The following MYH9 variants were observed in gnomAD, a reference collection of about 807,000 sequenced individuals.
The protein encoded by MYH9 is myosin heavy chain 9, also known as myosin-9.
MYH9 carries 29 observed loss-of-function variants against 241.9 expected under a neutral mutation model. That is an observed-to-expected ratio of 0.12 (90% CI 0.09 to 0.16). The LOEUF (loss-of-function observed/expected upper bound fraction) is 0.16. Ranked by LOEUF, MYH9 falls within the 10% of genes least tolerant of loss-of-function variation. The pLI is 1.00. For synonymous variants in MYH9, 1,047 were observed against 1,062.6 expected (o/e 0.99, Z 0.29); for missense variants, 1,803 against 2,595.5 (o/e 0.69, Z 6.63).
Position 36,293,236 on chromosome 22 carries a change from C to A in MYH9, c.4095+93G>T, listed in dbSNP as rs2146336457. 1.3e-6 allele frequency: 2 copies of A among 1,548,172 alleles called. No individual in the cohort carries two copies. The highest frequency in any genetic ancestry group is 4.5e-5 in the East Asian group (2 of 43,992). Reference sequence around the variant, plus strand: ...GGGGGAGAGCAGCAATGGGCCGGCCCAGCGGGCAGGGCTGTCCTGCAGTGC... The same window carrying A: ...GGGGGAGAGCAGCAATGGGCCGGCCAAGCGGGCAGGGCTGTCCTGCAGTGC... On this transcript the variant is annotated intron_variant, in intron 30 of 40. Coordinates refer to ENST00000216181, the MANE Select transcript of MYH9 (RefSeq NM_002473.6). The surrounding 1 kb of genome is among the most constrained non-coding windows in gnomAD (Gnocchi z 5.1).
chr22:36,373,640 G>A (rs1883273), intron 1 of MYH9, among the ~76,000 whole-genome samples: 88,451 of 152,044 alleles, frequency 0.58, 26,872 homozygotes, highest in Non-Finnish European at 0.68. Context: ...CTAGGTCTAC[G>A]CTGCGAGCCC....
In MYH9 at chr22:36,283,123, G is replaced by A. The variant is rs571854812; in HGVS notation, c.5766-338C>T. Among the ~76,000 whole-genome samples, 41 of 152,254 alleles carry A rather than the reference G, an allele frequency of 2.7e-4. 1 individual carries two copies. In the South Asian group the frequency reaches 6.4e-3, roughly 24 times the overall value. ...CCTCTGTTGCAACTCCTATAAAACC[G>A]GTGAAACCAAGACAGGTAAACAGGT... On this transcript the variant is annotated intron_variant, in intron 40 of 40. Coordinates refer to ENST00000216181, the MANE Select transcript of MYH9 (RefSeq NM_002473.6).
intron 3 of MYH9, among the ~76,000 whole-genome samples, chr22:36,337,239 A>G (rs953228664): frequency 6.6e-6 from 1 of 152,202 alleles, no homozygotes; most frequent in Non-Finnish European, 1.5e-5. Flanking sequence ...GCTGGCACCA[A>G]GTGAATAGAG....
chr22:36,382,218 T>G (rs1218361791), intron 1 of MYH9, among the ~76,000 whole-genome samples: 1 of 151,974 alleles, frequency 6.6e-6, no homozygotes, highest in Non-Finnish European at 1.5e-5. Context: ...CTCACGCCTG[T>G]AATCCCAGCA....
At chr22:36,382,038 G>A (rs2018264746) in intron 1 of MYH9, among the ~76,000 whole-genome samples, 1 of 152,116 alleles carries the variant, frequency 6.6e-6, no homozygotes, top group Non-Finnish European at 1.5e-5. Context: ...GTGTTGCCCA[G>A]GCTGATCTCG....
intron 1 of MYH9, among the ~76,000 whole-genome samples, chr22:36,374,109 G>A (rs972329347): frequency 6.6e-6 from 1 of 151,564 alleles, no homozygotes; most frequent in African/African-American, 2.4e-5. Flanking sequence ...CTGGCTGGGC[G>A]CGGTGGCTCA....
At chr22:36,335,757 C>T (rs987213882) in intron 3 of MYH9, among the ~76,000 whole-genome samples, 9 of 152,192 alleles carry the variant, frequency 5.9e-5, no homozygotes, top group East Asian at 1.9e-4. Context: ...CAATGCCCCA[C>T]GGGCCTGTGC....
intron 2 of MYH9, among the ~76,000 whole-genome samples, chr22:36,346,547 C>T (rs1288783805): frequency 3.9e-5 from 6 of 152,162 alleles, no homozygotes; most frequent in Admixed American, 2.6e-4. Flanking sequence ...TGAGCAAAAT[C>T]CCTCAGTCTG....
Position 36,306,882 on chromosome 22 carries a change from C to G in MYH9, c.1844-275G>C, listed in dbSNP as rs1228595412. 6.6e-6 allele frequency among the ~76,000 whole-genome samples: 1 copy of G among 152,214 alleles called. No homozygotes were observed. The highest frequency in any genetic ancestry group is 1.5e-5 in the Non-Finnish European group (1 of 68,044). The stretch of plus-strand genomic sequence containing the variant: ...CCTTCCTGTCACCTATCTTCAGCCA[C>G]TCTCGAAGCTCTTATTTCCAAAAAG... On this transcript the variant is annotated intron_variant, in intron 15 of 40. Transcript: ENST00000216181. The surrounding 1 kb of genome is among the most constrained non-coding windows in gnomAD (Gnocchi z 4.1).
At chr22:36,332,661 TAAAAAAAAA>T (rs67602880) in intron 3 of MYH9, among the ~76,000 whole-genome samples, 1 of 44,476 alleles carries the variant, frequency 2.2e-5, no homozygotes, top group Non-Finnish European at 3.6e-5. Context: ...TCTGGATAAT[TAAAAAAAAA>T]AAAAAAAAAA....
chr22:36,296,166 G>A (rs2016784625), intron 25 of MYH9, among the ~76,000 whole-genome samples: 1 of 152,116 alleles, frequency 6.6e-6, no homozygotes, highest in African/African-American at 2.4e-5. Flanking sequence ...GTGCGTGAGT[G>A]GGGCAGTGGA....
Position 36,320,653 on chromosome 22 carries a change from C to T in MYH9, c.868+145G>A, listed in dbSNP as rs2017235166. ...ACAGAAGACCAAGTCCTTAGGATGGCGCAGAGAACAGGAGTCACTCTCACT... is the reference window on the plus strand; with the variant it reads ...ACAGAAGACCAAGTCCTTAGGATGGTGCAGAGAACAGGAGTCACTCTCACT... On this transcript the variant is annotated intron_variant, in intron 8 of 40. Coordinates refer to ENST00000216181, the MANE Select transcript of MYH9 (RefSeq NM_002473.6). This position sits in a 1 kb window ranked among gnomAD's most constrained non-coding sequence, Gnocchi z 4.8. The T allele has an allele frequency of 1.5e-5, 11 of 756,692 alleles. No homozygotes were observed. The highest frequency in any genetic ancestry group is 1.1e-4 in the South Asian group (7 of 64,802). 46.9% of individuals were successfully genotyped at this position (756,692 alleles called of 1,614,324 possible).
At position 36,319,657 on chromosome 22, in the gene MYH9, G is replaced by A. The variant is rs553377036; in HGVS notation, c.1013-22C>T. On this transcript the variant is annotated intron_variant, in intron 9 of 40. Coordinates refer to ENST00000216181, the MANE Select transcript of MYH9 (RefSeq NM_002473.6). The stretch of plus-strand genomic sequence containing the variant: ...AGGCCTTTGGGTGCAATCAGAGGCA[G>A]CTCAGAAGCAGACATGGGTCATGGT... The A allele has an allele frequency of 9.8e-5, 158 of 1,610,956 alleles. No homozygotes were observed. In the South Asian group the frequency reaches 1.7e-3, roughly 17 times the overall value.
At chr22:36,346,290 G>GA (rs1423271009) in intron 2 of MYH9, among the ~76,000 whole-genome samples, 1 of 152,230 alleles carries the variant, frequency 6.6e-6, no homozygotes, top group Admixed American at 6.5e-5. Context: ...CGTTGTCACA[G>GA]ACTGATTTAG....
intron 10 of MYH9, 81 bp downstream of exon 10, chr22:36,319,457 ATT>A (rs2017214066): frequency 3.0e-6 from 4 of 1,321,338 alleles, no homozygotes; most frequent in Non-Finnish European, 4.3e-6. Context: ...AGTGTCCGGA[ATT>A]TCCGCAAGAC....
chr22:36,354,954 A>ACACACACACAC (rs1556643786), intron 1 of MYH9, among the ~76,000 whole-genome samples: 1 of 38,258 alleles, frequency 2.6e-5, no homozygotes, highest in Non-Finnish European at 6.5e-5. Flanking sequence ...AACAAAAAAC[A>ACACACACACAC]AAACACACAC....
At chr22:36,367,979 G>A (rs1315591140) in intron 1 of MYH9, among the ~76,000 whole-genome samples, 5 of 152,104 alleles carry the variant, frequency 3.3e-5, no homozygotes, top group African/African-American at 1.2e-4. Flanking sequence ...ACAGAGACCT[G>A]TGCAAACAGA....
At chr22:36,314,379 C>G in intron 12 of MYH9, 61 bp from the exon 13 acceptor site, 2 of 1,598,932 alleles carry the variant, frequency 1.3e-6, no homozygotes, top group Non-Finnish European at 1.7e-6. Context: ...GGCCCAGACA[C>G]CCCTTGAGAA....
chr22:36,354,956 A>ACAC (rs57801610), intron 1 of MYH9, among the ~76,000 whole-genome samples: 1 of 123,638 alleles, frequency 8.1e-6, no homozygotes, highest in East Asian at 2.3e-4. Context: ...CAAAAAACAA[A>ACAC]ACACACACAC....
Sources: gnomAD v4.1 joint callset for allele counts (sites outside exome capture counted in the v4.1 genomes callset) on GRCh38, gnomAD v4.1.1 for gene constraint, Gnocchi (gnomAD v3.1) non-coding constraint, MANE v1.5 for transcripts, NCBI Gene and HGNC (gene_info 2026-07-23, HGNC 2026-07-21) for gene names.